CDYL2: variants seen among roughly 807,000 people sequenced by gnomAD.
CDYL2 encodes chromodomain Y-like protein 2.
CDYL2 carries 23 observed loss-of-function variants against 49.4 expected under a neutral mutation model. The observed-to-expected ratio is 0.47, with a 90% confidence interval of 0.34 to 0.66. The LOEUF (loss-of-function observed/expected upper bound fraction) is 0.66, where lower values mean the gene tolerates loss of function less well. Among genes scored for constraint, CDYL2 ranks in the 30% least tolerant of loss-of-function variants. CDYL2 has a pLI of 0.01. For synonymous variants in CDYL2, 360 were observed against 268.8 expected (o/e 1.34, Z -3.32); for missense variants, 678 against 656.4 (o/e 1.03, Z -0.36).
At chr16:80,646,540 C>G (rs1250300217) in intron 2 of CDYL2, among the ~76,000 whole-genome samples, 2 of 152,152 alleles carry the variant, frequency 1.3e-5, no homozygotes, top group Non-Finnish European at 2.9e-5. Flanking sequence ...CCTGTAATCC[C>G]AGCACTTTGG....
At chr16:80,698,809 G>A (rs766384174) in intron 1 of CDYL2, among the ~76,000 whole-genome samples, 3 of 152,040 alleles carry the variant, frequency 2.0e-5, no homozygotes, top group Non-Finnish European at 4.4e-5. Flanking sequence ...GCTTCCTGTA[G>A]AGCCTGCAGA....
intron 2 of CDYL2, among the ~76,000 whole-genome samples, chr16:80,649,905 T>C (rs144271103): frequency 7.2e-5 from 11 of 152,116 alleles, no homozygotes; most frequent in African/African-American, 1.7e-4. Context: ...AAAAACTGAA[T>C]ATCCATATTC....
intron 2 of CDYL2, among the ~76,000 whole-genome samples, chr16:80,644,868 G>A (rs1483097875): frequency 6.6e-6 from 1 of 151,828 alleles, no homozygotes. Flanking sequence ...TGACAAACCT[G>A]ACAAAAACAA....
At chr16:80,663,648 A>G (rs1909140750) in intron 2 of CDYL2, among the ~76,000 whole-genome samples, 2 of 151,966 alleles carry the variant, frequency 1.3e-5, no homozygotes, top group South Asian at 4.1e-4. Context: ...GCTGGAGTGC[A>G]GTGGCATGAT....
intron 1 of CDYL2, among the ~76,000 whole-genome samples, chr16:80,716,453 G>C (rs140418242): frequency 3.8e-4 from 58 of 151,968 alleles, no homozygotes; most frequent in Middle Eastern, 3.4e-3. Context: ...TGGATGCATG[G>C]ATGGATGAAT....
chr16:80,751,415 G>T (rs183906502), intron 1 of CDYL2, among the ~76,000 whole-genome samples: 192 of 152,278 alleles, frequency 1.3e-3, no homozygotes, highest in African/African-American at 4.3e-3. Flanking sequence ...GCAGTATAGG[G>T]GTAGATGCTG....
intron 6 of CDYL2, among the ~76,000 whole-genome samples, 185 bp downstream of exon 6, chr16:80,607,907 C>T (rs1178494933): frequency 2.0e-5 from 3 of 152,222 alleles, no homozygotes; most frequent in African/African-American, 7.2e-5. Flanking sequence ...TGTAATAATG[C>T]TGACTGTCTC....
At chr16:80,767,059 G>C (rs989856227) in intron 1 of CDYL2, among the ~76,000 whole-genome samples, 1 of 152,216 alleles carries the variant, frequency 6.6e-6, no homozygotes, top group Admixed American at 6.5e-5. Flanking sequence ...GAACTTATCA[G>C]TGTGGTCCCA....
At chr16:80,634,099 G>T (rs777452879) in intron 2 of CDYL2, among the ~76,000 whole-genome samples, 4 of 151,030 alleles carry the variant, frequency 2.6e-5, no homozygotes, top group Admixed American at 1.3e-4. Context: ...AAAAGGGAAA[G>T]AGAGAGGGAA....
intron 1 of CDYL2, among the ~76,000 whole-genome samples, chr16:80,723,778 T>A (rs1286424659): frequency 2.6e-5 from 4 of 152,030 alleles, no homozygotes; most frequent in African/African-American, 9.7e-5. Context: ...CCTGAAAAAT[T>A]GAAAATATTT....
intron 1 of CDYL2, among the ~76,000 whole-genome samples, chr16:80,730,127 C>G (rs928968980): frequency 6.6e-6 from 1 of 151,962 alleles, no homozygotes; most frequent in Non-Finnish European, 1.5e-5. Context: ...GAAATAGAGA[C>G]ACAAAAAACC....
intron 2 of CDYL2, among the ~76,000 whole-genome samples, chr16:80,659,350 C>T (rs972526698): frequency 1.3e-5 from 2 of 152,002 alleles, no homozygotes; most frequent in African/African-American, 4.8e-5. Context: ...AGACTGTATT[C>T]TATATTGGAA....
intron 5 of CDYL2, among the ~76,000 whole-genome samples, chr16:80,611,690 C>G (rs1013915539): frequency 6.6e-6 from 1 of 152,250 alleles, no homozygotes. Context: ...AGACAACTCA[C>G]TAAACCTCTC....
chr16:80,651,588 T>C (rs191002959), intron 2 of CDYL2, among the ~76,000 whole-genome samples: 4 of 152,332 alleles, frequency 2.6e-5, no homozygotes, highest in East Asian at 3.9e-4. Flanking sequence ...TTTAAAAGCA[T>C]GCCAATTTAA....
chr16:80,785,884 T>C (rs1170126554), intron 1 of CDYL2, among the ~76,000 whole-genome samples: 1 of 152,190 alleles, frequency 6.6e-6, no homozygotes, highest in Non-Finnish European at 1.5e-5. Context: ...ATTTAATAAA[T>C]GGTGTTGGGA....
At chr16:80,682,937 G>A (rs970430728) in intron 2 of CDYL2, among the ~76,000 whole-genome samples, 3 of 152,220 alleles carry the variant, frequency 2.0e-5, no homozygotes, top group Non-Finnish European at 4.4e-5. Flanking sequence ...GGGCAAAGAT[G>A]CTAAGTAAAT....
rs961317046 is a variant in CDYL2, at chr16:80,602,213, G to C, written c.*2175C>G. ...GAGGAGATAAGATCCAGATAGAGCTGTGACAACAGGCATTTGGGCAAAAGC... is the reference window on the plus strand; with the variant it reads ...GAGGAGATAAGATCCAGATAGAGCTCTGACAACAGGCATTTGGGCAAAAGC... On this transcript the variant is annotated 3_prime_UTR_variant, in exon 7 of 7. Transcript: ENST00000570137. 3.9e-5 allele frequency: 6 copies of C among 152,242 alleles called. No homozygotes were observed. Among genetic ancestry groups the C allele is most frequent in the African/African-American group, 1.4e-4 (6 of 41,460 alleles). 9.4% of individuals were successfully genotyped at this position (152,242 alleles called of 1,614,324 possible).
chr16:80,782,302 A>C (rs1451839381), intron 1 of CDYL2, among the ~76,000 whole-genome samples: 1 of 151,960 alleles, frequency 6.6e-6, no homozygotes, highest in African/African-American at 2.4e-5. Context: ...AATGAATAGA[A>C]AATCTGAATA....
intron 1 of CDYL2, among the ~76,000 whole-genome samples, chr16:80,797,595 G>A (rs1340246964): frequency 6.6e-6 from 1 of 151,974 alleles, no homozygotes; most frequent in Non-Finnish European, 1.5e-5. Context: ...CTCTCAGAAT[G>A]TCATAGAACA....
Sources: allele counts gnomAD v4.1 joint callset (sites outside exome capture counted in the v4.1 genomes callset), GRCh38; gene constraint gnomAD v4.1.1; transcripts MANE v1.5; gene names NCBI Gene and HGNC (gene_info 2026-07-23, HGNC 2026-07-21).